Variants in CCDC91 observed in about 807,000 individuals in gnomAD.
The protein encoded by CCDC91 is coiled-coil domain containing 91.
Under a neutral mutation model 63.2 loss-of-function variants are expected in CCDC91, and 48 were observed. The ratio of observed to expected loss-of-function variants is 0.76; its 90% CI spans 0.60 to 0.97. CCDC91 has a LOEUF of 0.97. Ranked by LOEUF, CCDC91 falls within the 50% of genes least tolerant of loss-of-function variation. CCDC91 has a pLI of 0.00. For missense variants in CCDC91, 500 were observed against 494.6 expected (o/e 1.01, Z -0.10); for synonymous variants, 167 against 165.8 (o/e 1.01, Z -0.06).
At chr12:28,330,017 G>C (rs1157383393) in intron 6 of CCDC91, among the ~76,000 whole-genome samples, 1 of 152,124 alleles carries the variant, frequency 6.6e-6, no homozygotes, top group African/African-American at 2.4e-5. Flanking sequence ...GTGTGTCTTT[G>C]ATGGACATTA....
At chr12:28,481,736 T>C (rs1481605364) in intron 11 of CCDC91, among the ~76,000 whole-genome samples, 6 of 151,980 alleles carry the variant, frequency 3.9e-5, no homozygotes, top group African/African-American at 1.2e-4. Context: ...CTTCACAACC[T>C]TGACTGTCAG....
intron 6 of CCDC91, among the ~76,000 whole-genome samples, chr12:28,335,466 G>C (rs1365613565): frequency 6.7e-6 from 1 of 149,174 alleles, no homozygotes; most frequent in East Asian, 1.9e-4. Context: ...GGAGCGCAAT[G>C]GTGTGATCAC....
intron 8 of CCDC91, among the ~76,000 whole-genome samples, chr12:28,396,205 G>A (rs10771423): frequency 0.38 from 58,493 of 151,950 alleles, 11,727 homozygotes; most frequent in Middle Eastern, 0.47. Flanking sequence ...GCATGAAAGA[G>A]GCAGATGGAA....
At chr12:28,408,961 A>G (rs1353067137) in intron 8 of CCDC91, among the ~76,000 whole-genome samples, 2 of 152,096 alleles carry the variant, frequency 1.3e-5, no homozygotes, top group African/African-American at 4.8e-5. Context: ...ATATTCTGTA[A>G]TTATCTAAAA....
chr12:28,291,374 T>G (rs942878059), intron 3 of CCDC91, among the ~76,000 whole-genome samples: 3 of 152,188 alleles, frequency 2.0e-5, no homozygotes, highest in African/African-American at 7.2e-5. Context: ...CAACATGTGG[T>G]CAGGCATTGT....
intron 8 of CCDC91, among the ~76,000 whole-genome samples, chr12:28,407,941 TAG>T (rs1332838999): frequency 3.8e-5 from 2 of 52,290 alleles, no homozygotes; most frequent in African/African-American, 7.6e-5. Context: ...ACCATATACA[TAG>T]ATATATACAT....
chr12:28,523,054 A>G (rs975548952), intron 12 of CCDC91, among the ~76,000 whole-genome samples: 4 of 152,108 alleles, frequency 2.6e-5, no homozygotes, highest in Admixed American at 2.6e-4. Flanking sequence ...TATTCTGTTG[A>G]TTTGGGGTGG....
At chr12:28,406,881 A>G (rs1481376875) in intron 8 of CCDC91, among the ~76,000 whole-genome samples, 4 of 147,240 alleles carry the variant, frequency 2.7e-5, no homozygotes, top group Admixed American at 6.9e-5. Flanking sequence ...TTACCAGTGG[A>G]TTTCTTTTGT....
chr12:28,490,694 T>G (rs1257698108), intron 12 of CCDC91, among the ~76,000 whole-genome samples: 1 of 151,910 alleles, frequency 6.6e-6, no homozygotes, highest in African/African-American at 2.4e-5. Flanking sequence ...TTAATATAAT[T>G]ATGATTTTAA....
chr12:28,502,367 A>G (rs1437693096), intron 12 of CCDC91, among the ~76,000 whole-genome samples: 2 of 151,982 alleles, frequency 1.3e-5, no homozygotes. Flanking sequence ...TAGGAATCCA[A>G]CTTACAAGGG....
chr12:28,519,874 C>T (rs908292957), intron 12 of CCDC91, among the ~76,000 whole-genome samples: 37 of 152,078 alleles, frequency 2.4e-4, no homozygotes, highest in Admixed American at 9.2e-4. Context: ...CCAGCTTCAT[C>T]CATGTCCCAA....
chr12:28,222,281 A>G (rs1313947004), intron 1 of CCDC91, among the ~76,000 whole-genome samples: 2 of 152,090 alleles, frequency 1.3e-5, no homozygotes, highest in Non-Finnish European at 2.9e-5. Context: ...CACAGTGTAG[A>G]ACCACAGGGG....
chr12:28,521,473 C>A (rs528506013), intron 12 of CCDC91, among the ~76,000 whole-genome samples: 22 of 152,250 alleles, frequency 1.4e-4, no homozygotes, highest in African/African-American at 5.1e-4. Flanking sequence ...AGATTTGGGG[C>A]TGAGACGACG....
chr12:28,371,890 A>C (rs1032461306), intron 7 of CCDC91, among the ~76,000 whole-genome samples: 4 of 152,340 alleles, frequency 2.6e-5, no homozygotes, highest in African/African-American at 4.8e-5. Flanking sequence ...ACATAGATCA[A>C]ATTACTATCT....
chr12:28,305,222 C>T (rs2137068380), intron 3 of CCDC91, among the ~76,000 whole-genome samples: 1 of 152,144 alleles, frequency 6.6e-6, no homozygotes, highest in Middle Eastern at 3.4e-3. Context: ...TCACTGCTGT[C>T]TCTTCAGTCC....
intron 8 of CCDC91, among the ~76,000 whole-genome samples, chr12:28,418,531 G>A (rs1186588086): frequency 6.6e-6 from 1 of 151,998 alleles, no homozygotes; most frequent in African/African-American, 2.4e-5. Flanking sequence ...TTCCTTTAAT[G>A]AGATATAATG....
At chr12:28,450,993 C>T (rs562082010) in intron 10 of CCDC91, among the ~76,000 whole-genome samples, 4 of 151,410 alleles carry the variant, frequency 2.6e-5, no homozygotes, top group Admixed American at 6.6e-5. Flanking sequence ...ATTTATATAC[C>T]AAGAGGGCAA....
At position 28,415,664 on chromosome 12, in the gene CCDC91, T is replaced by TTTG. The variant is rs1947610755; in HGVS notation, c.762+24254_762+24255insTGT. On this transcript the variant is annotated intron_variant, in intron 8 of 12. Coordinates refer to ENST00000536442, the MANE Select transcript of CCDC91 (RefSeq NM_018318.5). ...TTATTTAACTAATAAAGATATATAT[T>TTTG]TGTGTGTGTGTGTGTGTGTGTGTGT... 2.7e-5 allele frequency among the ~76,000 whole-genome samples: 4 copies of TTTG among 148,404 alleles called. No individual in the cohort carries two copies. The East Asian group carries it at 6.0e-4, about 22-fold the overall frequency.
intron 3 of CCDC91, among the ~76,000 whole-genome samples, chr12:28,280,460 TTC>T (rs1948531331): frequency 1.3e-5 from 2 of 152,066 alleles, no homozygotes; most frequent in Non-Finnish European, 2.9e-5. Context: ...TGTAAAAACA[TTC>T]TGTCTGTGAG....
Sources: allele counts gnomAD v4.1 joint callset (sites outside exome capture counted in the v4.1 genomes callset), GRCh38; gene constraint gnomAD v4.1.1; transcripts MANE v1.5; gene names NCBI Gene and HGNC (gene_info 2026-07-23, HGNC 2026-07-21).